The following MRLN variants were observed in gnomAD, a reference collection of about 807,000 sequenced individuals.
The protein encoded by MRLN is Linc-RNA activator of myogenesis.
At position 59,742,053 on chromosome 10, in the gene MRLN, T is replaced by C. The variant is rs1005248636; in HGVS notation, c.-124-3491A>G. On this transcript the variant is annotated intron_variant, in intron 1 of 2. Coordinates refer to ENST00000414264, the MANE Select transcript of MRLN (RefSeq NM_001304731.2). ...ATGATATTAAAATGTTTAAATATGA[T>C]TATAACTCCTACTTATAACCACCCA... is the stretch of plus-strand genomic sequence containing the variant. 3.9e-5 allele frequency among the ~76,000 whole-genome samples: 6 copies of C among 152,314 alleles called. No homozygotes were observed. The East Asian group carries it at 1.2e-3, about 29-fold the overall frequency.
intron 1 of MRLN, among the ~76,000 whole-genome samples, chr10:59,750,543 G>GT (rs1841091522): frequency 6.6e-6 from 1 of 152,208 alleles, no homozygotes; most frequent in Admixed American, 6.5e-5. Flanking sequence ...GAAGGTTAAA[G>GT]TTTCTAGCTG....
intron 1 of MRLN, among the ~76,000 whole-genome samples, chr10:59,742,522 G>A (rs1318416102): frequency 1.3e-5 from 2 of 152,176 alleles, no homozygotes; most frequent in Admixed American, 6.5e-5. Context: ...ACTTTAGGGA[G>A]TATAGGGGAA....
At chr10:59,743,619 A>T (rs1841007075) in intron 1 of MRLN, among the ~76,000 whole-genome samples, 1 of 152,124 alleles carries the variant, frequency 6.6e-6, no homozygotes, top group South Asian at 2.1e-4. Flanking sequence ...TAAAATTATG[A>T]GTCACATGGT....
At chr10:59,751,386 G>A (rs1041626099) in intron 1 of MRLN, among the ~76,000 whole-genome samples, 1 of 152,174 alleles carries the variant, frequency 6.6e-6, no homozygotes, top group East Asian at 1.9e-4. Flanking sequence ...ACTTGGCCAG[G>A]TGCGGTGGCT....
At chr10:59,742,366 A>G (rs1243823940) in intron 1 of MRLN, among the ~76,000 whole-genome samples, 1 of 152,234 alleles carries the variant, frequency 6.6e-6, no homozygotes, top group Non-Finnish European at 1.5e-5. Context: ...GACACAAAAG[A>G]CAACAGCGTA....
At chr10:59,740,068 G>A (rs989295957) in intron 1 of MRLN, among the ~76,000 whole-genome samples, 18 of 151,382 alleles carry the variant, frequency 1.2e-4, no homozygotes, top group African/African-American at 4.4e-4. Context: ...TCCAGCCTGG[G>A]AGATGGAGTG....
At chr10:59,750,007 G>A (rs1841082848) in intron 1 of MRLN, among the ~76,000 whole-genome samples, 1 of 149,630 alleles carries the variant, frequency 6.7e-6, no homozygotes, top group Non-Finnish European at 1.5e-5. Context: ...CCTGTCAGGA[G>A]CCACTGTGTT....
chr10:59,740,808 T>C (rs914214291), intron 1 of MRLN, among the ~76,000 whole-genome samples: 2 of 139,418 alleles, frequency 1.4e-5, no homozygotes, highest in African/African-American at 5.7e-5. Flanking sequence ...TTCTTTCTTT[T>C]TTTTTTGAGA....
intron 1 of MRLN, among the ~76,000 whole-genome samples, chr10:59,751,303 C>G (rs1841100383): frequency 6.6e-6 from 1 of 152,002 alleles, no homozygotes; most frequent in Non-Finnish European, 1.5e-5. Flanking sequence ...AATTTTTTTC[C>G]ATAGGGCAGA....
At chr10:59,745,115 A>G (rs1027155550) in intron 1 of MRLN, among the ~76,000 whole-genome samples, 4 of 150,250 alleles carry the variant, frequency 2.7e-5, no homozygotes, top group African/African-American at 1.0e-4. Context: ...TAAATACTAA[A>G]AAAAAAATAA....
At chr10:59,740,800 CTTTCTT>C (rs1840975464) in intron 1 of MRLN, among the ~76,000 whole-genome samples, 1 of 141,466 alleles carries the variant, frequency 7.1e-6, no homozygotes, top group Admixed American at 6.9e-5. Flanking sequence ...TTCTTTCTTT[CTTTCTT>C]TTTTTTTTGA....
chr10:59,744,413 C>A (rs932860109), intron 1 of MRLN, among the ~76,000 whole-genome samples: 1 of 151,260 alleles, frequency 6.6e-6, no homozygotes, highest in Non-Finnish European at 1.5e-5. Context: ...AAGTGAGGAC[C>A]CCCTCCGCCC....
rs1840946446 is a variant in MRLN at position 59,738,458 on chromosome 10, C to A, written c.-21+1G>T. ...GGAGTGAGTAGAGACCCATTTCTCACCTGAATTAATCCCAGGTAGTGGTAG... is the reference window on the plus strand; with the variant it reads ...GGAGTGAGTAGAGACCCATTTCTCAACTGAATTAATCCCAGGTAGTGGTAG... On this transcript the variant is annotated splice_donor_variant, in intron 2 of 2. Coordinates refer to ENST00000414264, the MANE Select transcript of MRLN (RefSeq NM_001304731.2). LOFTEE classifies it low-confidence loss of function (5UTR_SPLICE). The A allele has an allele frequency of 6.6e-6, 1 of 152,148 alleles. No individual in the cohort carries two copies. The highest frequency in any genetic ancestry group is 1.5e-5 in the Non-Finnish European group (1 of 68,030). 9.4% of individuals were successfully genotyped at this position (152,148 alleles called of 1,614,324 possible). A position where few individuals can be genotyped will look rare whatever the true frequency, so the allele number is the denominator to read the frequency against.
At chr10:59,748,189 T>A (rs1841062137) in intron 1 of MRLN, among the ~76,000 whole-genome samples, 1 of 151,938 alleles carries the variant, frequency 6.6e-6, no homozygotes, top group African/African-American at 2.4e-5. Context: ...AATGGGATGA[T>A]CTGTTGGGAT....
chr10:59,737,552 T>G (rs1033253817), intron 2 of MRLN, among the ~76,000 whole-genome samples: 1 of 152,006 alleles, frequency 6.6e-6, no homozygotes, highest in African/African-American at 2.4e-5. Context: ...TCAATCATTT[T>G]TATTGGCATT....
At chr10:59,743,500 G>C (rs1841006176) in intron 1 of MRLN, among the ~76,000 whole-genome samples, 1 of 152,138 alleles carries the variant, frequency 6.6e-6, no homozygotes, top group Admixed American at 6.5e-5. Flanking sequence ...AGGGGTTCCT[G>C]TTTGGTTTTT....
At chr10:59,749,313 A>G (rs1214098527) in intron 1 of MRLN, among the ~76,000 whole-genome samples, 1 of 152,244 alleles carries the variant, frequency 6.6e-6, no homozygotes, top group Non-Finnish European at 1.5e-5. Context: ...CACACGTACT[A>G]AGAGGTGACC....
At chr10:59,739,059 G>C (rs1381499642) in intron 1 of MRLN, 1 of 152,004 alleles carries the variant, frequency 6.6e-6, no homozygotes, top group Non-Finnish European at 1.5e-5. Flanking sequence ...GGAGGCGGAG[G>C]TTGCGGTAAG....
At chr10:59,746,237 A>G (rs1287982233) in intron 1 of MRLN, among the ~76,000 whole-genome samples, 1 of 152,208 alleles carries the variant, frequency 6.6e-6, no homozygotes, top group Non-Finnish European at 1.5e-5. Flanking sequence ...TATTGATAGA[A>G]GTTCCCTAGA....
Sources: gnomAD v4.1 joint callset for allele counts (sites outside exome capture counted in the v4.1 genomes callset) on GRCh38, gnomAD v4.1.1 for gene constraint, MANE v1.5 for transcripts, NCBI Gene and HGNC (gene_info 2026-07-23, HGNC 2026-07-21) for gene names.